Variants in CLCNKA observed in about 807,000 individuals in gnomAD.
CLCNKA encodes chloride voltage-gated channel Ka, also known as chloride channel protein ClC-Ka.
Under a neutral mutation model 83.3 loss-of-function variants are expected in CLCNKA, and 66 were observed. The ratio of observed to expected loss-of-function variants is 0.79; its 90% CI spans 0.65 to 0.97. CLCNKA has a LOEUF of 0.97. Among genes scored for constraint, CLCNKA ranks in the 50% least tolerant of loss-of-function variants. The pLI is 0.00. For missense variants in CLCNKA, 806 were observed against 888.7 expected, an observed-to-expected ratio of 0.91 and a Z score of 1.18; for synonymous variants, 357 against 370.4, an observed-to-expected ratio of 0.96 and a Z score of 0.42.
At chr1:16,033,364 A>T in intron 19 of CLCNKA, 108 bp downstream of exon 19, 1 of 1,270,340 alleles carries the variant, frequency 7.9e-7, no homozygotes, top group Non-Finnish European at 1.1e-6. Context: ...ACCTGGGGGG[A>T]TTCAGAGGAT....
chr1:16,033,445 T>C (rs1231415881), intron 19 of CLCNKA, among the ~76,000 whole-genome samples, 166 bp from the exon 20 acceptor site: 1 of 152,086 alleles, frequency 6.6e-6, no homozygotes, highest in Non-Finnish European at 1.5e-5. Flanking sequence ...TTCTGGCCAG[T>C]GGCCAGCCTG....
At chr1:16,026,913 T>G in intron 7 of CLCNKA, 138 bp downstream of exon 7, 1 of 1,156,534 alleles carries the variant, frequency 8.6e-7, no homozygotes, top group Non-Finnish European at 1.3e-6. Context: ...GCTTTGGGTA[T>G]AGCCACCCCC....
At chr1:16,026,467 G>C in intron 5 of CLCNKA, 69 bp from the exon 6 acceptor site, 1 of 1,599,336 alleles carries the variant, frequency 6.3e-7, no homozygotes, top group Non-Finnish European at 8.6e-7. Context: ...GGTGTGGTGG[G>C]GAAGCCGTGC....
At chr1:16,027,484 G>T (rs533638048) in intron 8 of CLCNKA, 49 bp downstream of exon 8, 1 of 1,608,492 alleles carries the variant, frequency 6.2e-7, no homozygotes, top group South Asian at 1.1e-5. Context: ...GGGCCGGGGC[G>T]AGGGAGACCT....
chr1:16,023,711 C>T lies in CLCNKA; in HGVS notation c.101-89C>T, dbSNP rs3738635. The T allele has an allele frequency of 3.0e-5, 46 of 1,537,128 alleles. No homozygotes were observed. In the East Asian group the frequency reaches 1.1e-3, roughly 35 times the overall value. On this transcript the variant is annotated intron_variant, in intron 2 of 19. Coordinates refer to ENST00000331433, the MANE Select transcript of CLCNKA (RefSeq NM_004070.4). ...CCCCAGACTCAACTACCAGGGTCCT[C>T]CCTGCCTGGAGCCAAGCAGACCTCC... is the stretch of plus-strand genomic sequence containing the variant.
In CLCNKA at chr1:16,033,226, C is replaced by A; in HGVS notation, c.1986C>A (p.Gly662=). Reference sequence around the variant, plus strand: ...AGTCCCTCTTCGTGACATCGCGGGGCAGAGCTGTGGGCTGCGTGTCCTGGG... The same window carrying A: ...AGTCCCTCTTCGTGACATCGCGGGGAAGAGCTGTGGGCTGCGTGTCCTGGG... ...NLQSLFVTSR[G]RAVGCVSWVE... is the part of the protein sequence containing the mutation. Residue 662 remains glycine, a synonymous_variant, in exon 19 of 20, where the codon GGC becomes GGA. Coordinates refer to ENST00000331433, the MANE Select transcript of CLCNKA (RefSeq NM_004070.4). 1.9e-6 allele frequency: 3 copies of A among 1,614,138 alleles called. No individual in the cohort carries two copies. The highest frequency in any genetic ancestry group is 2.5e-6 in the Non-Finnish European group (3 of 1,180,026).
chr1:16,022,604 C>T lies in CLCNKA; in HGVS notation c.-7-9C>T, dbSNP rs1350742652. 1 of 1,550,360 alleles carries T rather than the reference C, an allele frequency of 6.5e-7. No individual in the cohort carries two copies. The highest frequency in any genetic ancestry group is 1.4e-5 in the African/African-American group (1 of 73,736). Reference sequence around the variant, plus strand: ...TCACCCGGGTCCTTCCCTCCATCTGCTTCTCCAGGGGCCTGATGGAGGAGT... The same window carrying T: ...TCACCCGGGTCCTTCCCTCCATCTGTTTCTCCAGGGGCCTGATGGAGGAGT... On this transcript the variant is annotated splice_polypyrimidine_tract_variant and intron_variant, in intron 1 of 19. Transcript: ENST00000331433.
intron 15 of CLCNKA, 103 bp downstream of exon 15, chr1:16,030,777 C>A: frequency 7.1e-7 from 1 of 1,415,168 alleles, no homozygotes; most frequent in Non-Finnish European, 9.8e-7. Context: ...CAGCTGACCT[C>A]CGACATGGGG....
chr1:16,023,677 T>G, intron 2 of CLCNKA, 123 bp from the exon 3 acceptor site: 1 of 1,200,070 alleles, frequency 8.3e-7, no homozygotes, highest in South Asian at 1.3e-5. Flanking sequence ...CGGGGCCCCC[T>G]CAGGACTACC....
chr1:16,030,507 G>A lies in CLCNKA; in HGVS notation c.1455G>A (p.Ala485=), dbSNP rs531023378. The change falls in exon 15 of 20, where the codon GCG becomes GCA. Residue 485 remains alanine, a synonymous_variant. Coordinates refer to ENST00000331433, the MANE Select transcript of CLCNKA (RefSeq NM_004070.4). The part of the protein sequence containing the change: ...SGAVTHTIST[A]LLAFELTGQI... ...CTGTGACCCACACCATCTCCACGGC[G>A]CTGCTGGCCTTTGAGCTGACCGGCC... 88 of 1,613,042 alleles carry A rather than the reference G, an allele frequency of 5.5e-5. 1 individual carries two copies. The East Asian group carries it at 7.1e-4, about 13-fold the overall frequency.
chr1:16,031,870 T>C (rs371952337), intron 16 of CLCNKA, 27 bp downstream of exon 16: 2 of 1,613,142 alleles, frequency 1.2e-6, no homozygotes, highest in Non-Finnish European at 1.7e-6. Flanking sequence ...GAGGAGGAAG[T>C]CGGGGGTAGG....
rs139738448 is a variant in CLCNKA, at chr1:16,028,061, C to A, written c.910C>A (p.Arg304=). The A allele has an allele frequency of 6.3e-7, 1 of 1,592,152 alleles. No homozygotes were observed. The highest frequency in any genetic ancestry group is 8.6e-7 in the Non-Finnish European group (1 of 1,161,218). ...GAGCTGTGCTTACCTCTTCTGTCAGCGAACCTTCCTCAGCTTCATCAAGAC... is the reference window on the plus strand; with the variant it reads ...GAGCTGTGCTTACCTCTTCTGTCAGAGAACCTTCCTCAGCTTCATCAAGAC... The part of the protein sequence containing the change: ...VLSCAYLFCQ[R]TFLSFIKTNR... Residue 304 remains arginine, a synonymous_variant, in exon 10 of 20, where the codon CGA becomes AGA. Coordinates refer to ENST00000331433, the MANE Select transcript of CLCNKA (RefSeq NM_004070.4).
intron 16 of CLCNKA, 143 bp from the exon 17 acceptor site, chr1:16,032,060 A>T: frequency 8.7e-7 from 1 of 1,153,626 alleles, no homozygotes; most frequent in Non-Finnish European, 1.3e-6. Flanking sequence ...GTCTAAAGAG[A>T]GTCGGCTGGG....
chr1:16,033,574 C>T (rs1188787013), intron 19 of CLCNKA, 37 bp from the exon 20 acceptor site: 2 of 1,044,654 alleles, frequency 1.9e-6, no homozygotes, highest in Non-Finnish European at 2.9e-6. Flanking sequence ...ACCTCCTCTA[C>T]ATCCCCCCCC....
chr1:16,022,237 C>T (rs1329568328), intron 1 of CLCNKA, among the ~76,000 whole-genome samples, 174 bp downstream of exon 1: 3 of 152,032 alleles, frequency 2.0e-5, no homozygotes, highest in Non-Finnish European at 2.9e-5. Flanking sequence ...GGAGGGTGCT[C>T]CGAGATTGGC....
intron 19 of CLCNKA, 59 bp from the exon 20 acceptor site, chr1:16,033,552 G>GC (rs1165704774): frequency 9.5e-7 from 1 of 1,053,736 alleles, no homozygotes; most frequent in Non-Finnish European, 1.5e-6. Context: ...AAATGCTGGA[G>GC]CCCCCCTCAC....
intron 7 of CLCNKA, chr1:16,027,029 G>T: frequency 1.5e-6 from 1 of 646,852 alleles, no homozygotes; most frequent in Non-Finnish European, 2.7e-6. Flanking sequence ...CTGGCCCCTT[G>T]GCCTCTCTGA....
At chr1:16,032,896 A>G (rs1369625348) in intron 18 of CLCNKA, among the ~76,000 whole-genome samples, 1 of 152,188 alleles carries the variant, frequency 6.6e-6, no homozygotes, top group Admixed American at 6.5e-5. Context: ...GCAAGGGCGG[A>G]GGCTGACAGG....
Position 16,029,982 on chromosome 1 carries a change from CT to C in CLCNKA, c.1316del (p.Leu439ProfsTer15). The C allele has an allele frequency of 6.2e-7, 1 of 1,611,958 alleles. No homozygotes were observed. The highest frequency in any genetic ancestry group is 1.1e-5 in the South Asian group (1 of 91,074). On this transcript the variant is annotated frameshift_variant, in exon 14 of 20. Coordinates refer to ENST00000331433, the MANE Select transcript of CLCNKA (RefSeq NM_004070.4). LOFTEE classifies it high-confidence loss of function. ...IFILGAAIGR[L>X]LGEALAVAFP... ...GTGGCCAGGAGCTGCCATCGGGCGC[CT>C]CTTGGGAGAGGCTCTTGCCGTCGCC...
Sources: allele counts gnomAD v4.1 joint callset (sites outside exome capture counted in the v4.1 genomes callset), GRCh38; gene constraint gnomAD v4.1.1; transcripts MANE v1.5; gene names NCBI Gene and HGNC (gene_info 2026-07-23, HGNC 2026-07-21).